CYSLTR2: variants seen among roughly 807,000 people sequenced by gnomAD.
CYSLTR2 encodes the protein G-protein coupled receptor GPCR21.
For synonymous variants in CYSLTR2, 179 were observed against 160.8 expected, an observed-to-expected ratio of 1.11 and a Z score of -0.86; for missense variants, 398 against 411.9, an observed-to-expected ratio of 0.97 and a Z score of 0.29.
At chr13:48,696,116 T>A (rs1430246532) in intron 3 of CYSLTR2, among the ~76,000 whole-genome samples, 1 of 152,234 alleles carries the variant, frequency 6.6e-6, no homozygotes, top group Non-Finnish European at 1.5e-5. Context: ...TACCTCACTG[T>A]GGTTTTAATT....
chr13:48,706,658 T>C (rs979999590), intron 4 of CYSLTR2, 159 bp from the exon 5 acceptor site: 7 of 600,016 alleles, frequency 1.2e-5, no homozygotes, highest in Non-Finnish European at 2.1e-5. Context: ...TAATGCAGCA[T>C]GTAGTAAAGA....
chr13:48,692,233 C>T (rs186741583), intron 2 of CYSLTR2, among the ~76,000 whole-genome samples: 3 of 152,022 alleles, frequency 2.0e-5, no homozygotes, highest in African/African-American at 7.2e-5. Context: ...CTAGAAACAA[C>T]ATTTTATTAA....
rs575168063 is a variant in CYSLTR2 at position 48,703,398 on chromosome 13, T to A, written c.-1-3419T>A. Among the ~76,000 whole-genome samples the A allele has an allele frequency of 2.0e-5, 3 of 152,316 alleles. No homozygotes were observed. In the South Asian group the frequency reaches 6.2e-4, roughly 32 times the overall value. ...ATGGGCATCCTTGCATTGCTCCTGA[T>A]CTTATGGGGGAGACACTCAGTCTTT... On this transcript the variant is annotated intron_variant, in intron 4 of 4. Coordinates refer to ENST00000682523, the MANE Select transcript of CYSLTR2 (RefSeq NM_001308476.3).
At chr13:48,676,022 T>G (rs967428567) in intron 1 of CYSLTR2, among the ~76,000 whole-genome samples, 1 of 152,218 alleles carries the variant, frequency 6.6e-6, no homozygotes, top group African/African-American at 2.4e-5. Context: ...GTACCTCAGT[T>G]GGAAATGCAG....
intron 1 of CYSLTR2, among the ~76,000 whole-genome samples, chr13:48,667,314 C>T (rs939381491): frequency 3.9e-5 from 6 of 152,194 alleles, no homozygotes; most frequent in African/African-American, 1.2e-4. Flanking sequence ...GTTAAGTTTG[C>T]TAGGGTTAAG....
chr13:48,664,561 T>C (rs1188343517), intron 1 of CYSLTR2, among the ~76,000 whole-genome samples: 1 of 152,042 alleles, frequency 6.6e-6, no homozygotes, highest in Non-Finnish European at 1.5e-5. Context: ...GTAGGTTGTA[T>C]GTGTCTAGGA....
chr13:48,702,052 A>G (rs1265861831), intron 4 of CYSLTR2, among the ~76,000 whole-genome samples: 1 of 152,124 alleles, frequency 6.6e-6, no homozygotes, highest in African/African-American at 2.4e-5. Context: ...AAAATGTGAC[A>G]CATATACACC....
intron 1 of CYSLTR2, among the ~76,000 whole-genome samples, chr13:48,688,021 G>A (rs1953939968): frequency 6.6e-6 from 1 of 152,206 alleles, no homozygotes; most frequent in Non-Finnish European, 1.5e-5. Flanking sequence ...AGGCTGGAGT[G>A]TCTCTGAAGT....
intron 1 of CYSLTR2, among the ~76,000 whole-genome samples, chr13:48,679,332 T>C (rs1018089764): frequency 6.6e-6 from 1 of 152,182 alleles, no homozygotes; most frequent in Non-Finnish European, 1.5e-5. Flanking sequence ...TTCTTCCTCA[T>C]AGAGCTTTGT....
At chr13:48,656,174 T>TA (rs1952992763) in intron 1 of CYSLTR2, among the ~76,000 whole-genome samples, 1 of 152,222 alleles carries the variant, frequency 6.6e-6, no homozygotes, top group African/African-American at 2.4e-5. Context: ...AATTTTTTTT[T>TA]ACCATGAATG....
rs537248559 is a variant in CYSLTR2, at chr13:48,662,361, G to A, written c.-266+8344G>A. Among the ~76,000 whole-genome samples the A allele has an allele frequency of 2.0e-5, 3 of 152,260 alleles. No homozygotes were observed. The South Asian group carries it at 6.2e-4, about 32-fold the overall frequency. On this transcript the variant is annotated intron_variant, in intron 1 of 4. Coordinates refer to ENST00000682523, the MANE Select transcript of CYSLTR2 (RefSeq NM_001308476.3). Reference sequence around the variant, plus strand: ...TAGGCAAACTGGTTTCAAAGCTTTTGGGCAAGTACCCACAAGTGAGACTGA... The same window carrying A: ...TAGGCAAACTGGTTTCAAAGCTTTTAGGCAAGTACCCACAAGTGAGACTGA...
chr13:48,684,093 A>T (rs939835076), intron 1 of CYSLTR2, among the ~76,000 whole-genome samples: 2 of 151,868 alleles, frequency 1.3e-5, no homozygotes, highest in Non-Finnish European at 2.9e-5. Context: ...TAATTTTTTT[A>T]AATTACTTTT....
intron 1 of CYSLTR2, among the ~76,000 whole-genome samples, chr13:48,655,157 C>T (rs144844660): frequency 0.011 from 1,696 of 152,240 alleles, 12 homozygotes; most frequent in Middle Eastern, 0.02. Flanking sequence ...TCCAGTGCTT[C>T]GGTGGTTAAA....
At position 48,707,295 on chromosome 13, in the gene CYSLTR2, G is replaced by A; in HGVS notation, c.478G>A (p.Gly160Arg). 1 of 1,613,932 alleles carries A rather than the reference G, an allele frequency of 6.2e-7. No homozygotes were observed. Reference sequence around the variant, plus strand: ...CATCAGGAGTGCCTGGATCCTCTGTGGGATCATATGGATCCTTATCATGGC... The same window carrying A: ...CATCAGGAGTGCCTGGATCCTCTGTAGGATCATATGGATCCTTATCATGGC... ...TSIRSAWILC[G>R]IIWILIMASS... The change falls in exon 5 of 5, where the codon GGG (glycine) becomes AGG (arginine). Residue 160 changes from glycine (G) to arginine (R), a missense_variant. Physicochemically the swap from Gly to Arg is moderately radical, Grantham distance 125. Transcript: ENST00000682523.
At chr13:48,704,182 T>C (rs1954421080) in intron 4 of CYSLTR2, among the ~76,000 whole-genome samples, 1 of 152,196 alleles carries the variant, frequency 6.6e-6, no homozygotes, top group Admixed American at 6.5e-5. Context: ...TTTTATTTAA[T>C]ATATGCAAAT....
chr13:48,678,184 T>G (rs963375251), intron 1 of CYSLTR2, among the ~76,000 whole-genome samples: 1 of 152,056 alleles, frequency 6.6e-6, no homozygotes, highest in Non-Finnish European at 1.5e-5. Context: ...AATTTTTGTA[T>G]TTTTAGTAGA....
intron 2 of CYSLTR2, among the ~76,000 whole-genome samples, chr13:48,692,829 T>G (rs147116268): frequency 6.6e-6 from 1 of 151,590 alleles, no homozygotes; most frequent in African/African-American, 2.4e-5. Flanking sequence ...AAATATATGA[T>G]GTCATTCAAA....
At position 48,710,230 on chromosome 13, in the gene CYSLTR2, T is replaced by C. The variant is rs527746733; in HGVS notation, c.*2372T>C. The C allele has an allele frequency of 6.6e-6, 1 of 152,306 alleles. No homozygotes were observed. The highest frequency in any genetic ancestry group is 6.5e-5 in the Admixed American group (1 of 15,288). 9.4% of individuals were successfully genotyped at this position (152,306 alleles called of 1,614,324 possible). The stretch of plus-strand genomic sequence containing the variant: ...ATTAAATGGAAAATTCCAGAAATAA[T>C]TCTTAAGTTTTAAAACATGTGCTGT... On this transcript the variant is annotated 3_prime_UTR_variant, in exon 5 of 5. Transcript: ENST00000682523.
chr13:48,672,727 C>T (rs1417368795), intron 1 of CYSLTR2, among the ~76,000 whole-genome samples: 2 of 150,734 alleles, frequency 1.3e-5, no homozygotes, highest in Admixed American at 1.3e-4. Flanking sequence ...ATGTCATTCT[C>T]CTGCCTCAGC....
Sources: gnomAD v4.1 joint callset for allele counts (sites outside exome capture counted in the v4.1 genomes callset) on GRCh38, gnomAD v4.1.1 for gene constraint, MANE v1.5 for transcripts, NCBI Gene and HGNC (gene_info 2026-07-23, HGNC 2026-07-21) for gene names.